THEM4: variants seen among roughly 807,000 people sequenced by gnomAD.
THEM4 encodes the protein thioesterase superfamily member 4, also known as acyl-coenzyme A thioesterase THEM4.
THEM4 carries 22 observed loss-of-function variants against 25.0 expected under a neutral mutation model. The ratio of observed to expected loss-of-function variants is 0.88; its 90% CI spans 0.63 to 1.26. The LOEUF is 1.26. Among genes scored for constraint, THEM4 ranks in the 50% most tolerant of loss-of-function variants. THEM4 has a pLI of 0.00. For synonymous variants in THEM4, 113 were observed against 105.6 expected (o/e 1.07, Z -0.43); for missense variants, 286 against 300.3 (o/e 0.95, Z 0.35).
chr1:151,876,159 A>G (rs1329059118), intron 5 of THEM4, among the ~76,000 whole-genome samples: 1 of 152,228 alleles, frequency 6.6e-6, no homozygotes, highest in Non-Finnish European at 1.5e-5. Flanking sequence ...CTACACACAC[A>G]TAAATATAGA....
In THEM4 at chr1:151,872,554, G is replaced by A. The variant is rs1456936394; in HGVS notation, c.*2334C>T. On this transcript the variant is annotated 3_prime_UTR_variant, in exon 6 of 6. Transcript: ENST00000368814. The stretch of plus-strand genomic sequence containing the variant: ...GACTGTTACTGTGTCTATGTAGAAA[G>A]GAAGACATGAGAAATTCCATTTTGA... 6.6e-6 allele frequency among the ~76,000 whole-genome samples: 1 copy of A among 152,146 alleles called. No individual in the cohort carries two copies. Among genetic ancestry groups the A allele is most frequent in the Non-Finnish European group, 1.5e-5 (1 of 68,028 alleles).
In THEM4 at chr1:151,883,094, TTTTATTTA is replaced by T. The variant is rs10639543; in HGVS notation, c.557+5171_557+5178del. The stretch of plus-strand genomic sequence containing the variant: ...GTGCAAGGGGGGATCTGTCAAATGC[TTTTATTTA>T]TTTATTTATTTATTTATTTATTTAT... On this transcript the variant is annotated intron_variant, in intron 4 of 5. Coordinates refer to ENST00000368814, the MANE Select transcript of THEM4 (RefSeq NM_053055.5). Among the ~76,000 whole-genome samples, 208 of 138,350 alleles carry T rather than the reference TTTTATTTA, an allele frequency of 1.5e-3. 1 individual carries two copies. The East Asian group carries it at 0.024, about 16-fold the overall frequency. The allele number at this position is 138,350 out of a possible 152,430, so 90.8% of individuals were successfully genotyped here. A position where few individuals can be genotyped will look rare whatever the true frequency, so the allele number is the denominator to read the frequency against.
At position 151,909,392 on chromosome 1, in the gene THEM4, G is replaced by A. The variant is rs771588832; in HGVS notation, c.67C>T (p.Arg23Cys). ...GALCLPPVGR[R>C]LPGSEPRPEL... Reference sequence around the variant, plus strand: ...GGTCGCGGCTCGCTTCCCGGCAGGCGCCGGCCTACTGGCGGCAGGCACAGA... The same window carrying A: ...GGTCGCGGCTCGCTTCCCGGCAGGCACCGGCCTACTGGCGGCAGGCACAGA... The change falls in exon 1 of 6, where the codon CGC becomes TGC. Residue 23 changes from arginine to cysteine, a missense_variant. By Grantham distance (180) the Arg-to-Cys change is radical (BLOSUM62 -3). Transcript: ENST00000368814. The A allele has an allele frequency of 1.3e-6, 2 of 1,504,928 alleles. No individual in the cohort carries two copies. Among genetic ancestry groups the A allele is most frequent in the South Asian group, 1.2e-5 (1 of 81,586 alleles). 93.2% of individuals were successfully genotyped at this position (1,504,928 alleles called of 1,614,324 possible).
intron 4 of THEM4, among the ~76,000 whole-genome samples, chr1:151,881,270 C>T (rs985193644): frequency 1.3e-5 from 2 of 152,134 alleles, no homozygotes; most frequent in Non-Finnish European, 2.9e-5. Context: ...TGGGCTCTAG[C>T]GATCTTCTTG....
chr1:151,887,026 T>C (rs1653985696), intron 4 of THEM4, among the ~76,000 whole-genome samples: 1 of 152,194 alleles, frequency 6.6e-6, no homozygotes. Context: ...CACAAAAACC[T>C]GTTAGAATGA....
chr1:151,894,680 A>G (rs1329441173), intron 2 of THEM4: 1 of 491,788 alleles, frequency 2.0e-6, no homozygotes, highest in East Asian at 3.6e-5. Context: ...CAGATATGGG[A>G]TAAAGGGTGA....
chr1:151,908,211 C>T lies in THEM4; in HGVS notation c.99+1149G>A, dbSNP rs1001723722. Among the ~76,000 whole-genome samples, 3 of 152,260 alleles carry T rather than the reference C, an allele frequency of 2.0e-5. No homozygotes were observed. In the East Asian group the frequency reaches 5.8e-4, roughly 29 times the overall value. ...CTCTTTTGGGAATGATGAGGATTAC[C>T]GTTTATATTTTCTGTAAAGTTTTGT... On this transcript the variant is annotated intron_variant, in intron 1 of 5. Coordinates refer to ENST00000368814, the MANE Select transcript of THEM4 (RefSeq NM_053055.5).
At chr1:151,884,141 T>C (rs1236376771) in intron 4 of THEM4, among the ~76,000 whole-genome samples, 2 of 151,536 alleles carry the variant, frequency 1.3e-5, no homozygotes, top group Non-Finnish European at 2.9e-5. Flanking sequence ...TTCCAGAATG[T>C]GTTGGCTACA....
At chr1:151,887,768 G>A (rs568752508) in intron 4 of THEM4, among the ~76,000 whole-genome samples, 19 of 152,056 alleles carry the variant, frequency 1.2e-4, no homozygotes, top group Admixed American at 3.3e-4. Context: ...GACTACAGAC[G>A]TGCACTGCTG....
At chr1:151,879,649 CTTTTCTTTTCTTTT>C (rs1203146145) in intron 4 of THEM4, among the ~76,000 whole-genome samples, 1 of 146,726 alleles carries the variant, frequency 6.8e-6, no homozygotes, top group African/African-American at 2.5e-5. Context: ...TTCTTTCTTT[CTTTTCTTTTCTTTT>C]TTTTTTTTTT....
In THEM4 at chr1:151,888,345, G is replaced by C. The variant is rs774715796; in HGVS notation, c.485C>G (p.Ala162Gly). ...HGGAIATMID[A>G]TVGMCAMMAG... ...CATCATTGCACACATACCAACAGTA[G>C]CATCAATCATGGTTGCAATGGCACC... Residue 162 changes from alanine to glycine, a missense_variant, in exon 4 of 6, where the codon GCT becomes GGT. By Grantham distance (60) the Ala-to-Gly change is moderately conservative. Coordinates refer to ENST00000368814, the MANE Select transcript of THEM4 (RefSeq NM_053055.5). The C allele has an allele frequency of 1.2e-6, 2 of 1,613,260 alleles. No individual in the cohort carries two copies. Among genetic ancestry groups the C allele is most frequent in the Admixed American group, 1.7e-5 (1 of 59,840 alleles).
At position 151,871,557 on chromosome 1, in the gene THEM4, T is replaced by A. The variant is rs1653554724; in HGVS notation, c.*3331A>T. 6.6e-6 allele frequency among the ~76,000 whole-genome samples: 1 copy of A among 152,202 alleles called. No individual in the cohort carries two copies. Among genetic ancestry groups the A allele is most frequent in the African/African-American group, 2.4e-5 (1 of 41,450 alleles). ...GCCAGGGCATGGTGAAGGCTAGGAA[T>A]AGTCTGCTGCAAAGCAGGGAAGCCA... On this transcript the variant is annotated 3_prime_UTR_variant, in exon 6 of 6. Coordinates refer to ENST00000368814, the MANE Select transcript of THEM4 (RefSeq NM_053055.5).
intron 1 of THEM4, among the ~76,000 whole-genome samples, chr1:151,900,450 A>T (rs1334053337): frequency 1.3e-5 from 2 of 152,174 alleles, no homozygotes; most frequent in Non-Finnish European, 2.9e-5. Context: ...CACCTAGCAC[A>T]TAAGGACTCA....
intron 1 of THEM4, among the ~76,000 whole-genome samples, chr1:151,898,696 C>A (rs1284905418): frequency 8.5e-5 from 13 of 152,256 alleles, no homozygotes; most frequent in Admixed American, 8.5e-4. Context: ...CCCTCTGCCA[C>A]CTCCACCAGA....
chr1:151,900,257 A>G (rs1361092283), intron 1 of THEM4, among the ~76,000 whole-genome samples: 1 of 152,162 alleles, frequency 6.6e-6, no homozygotes, highest in African/African-American at 2.4e-5. Flanking sequence ...GTTAAAAAGC[A>G]AAAACAAAAA....
intron 4 of THEM4, among the ~76,000 whole-genome samples, chr1:151,884,436 A>G (rs1210250158): frequency 6.6e-6 from 1 of 152,226 alleles, no homozygotes; most frequent in Non-Finnish European, 1.5e-5. Context: ...AAACCTTTCT[A>G]TATAGACTGC....
intron 1 of THEM4, among the ~76,000 whole-genome samples, chr1:151,895,408 C>T (rs934575308): frequency 3.3e-5 from 5 of 152,164 alleles, no homozygotes; most frequent in African/African-American, 9.7e-5. Context: ...CATCACCCAG[C>T]GAGCTATTGA....
In THEM4 at chr1:151,895,008, C is replaced by T. The variant is rs551228056; in HGVS notation, c.286G>A (p.Asp96Asn). 39 of 1,613,666 alleles carry T rather than the reference C, an allele frequency of 2.4e-5. No homozygotes were observed. The South Asian group carries it at 3.7e-4, about 15-fold the overall frequency. Residue 96 changes from aspartate (D) to asparagine (N), a missense_variant and splice_region_variant, in exon 2 of 6, where the codon GAC becomes AAC. Asp to Asn is a conservative substitution (Grantham distance 23). Transcript: ENST00000368814. ...TTAATGGGAAAGTGGCTGTTTCTACCAAGAAAATGGGTTTTGAAGTCTTGA... is the reference window on the plus strand; with the variant it reads ...TTAATGGGAAAGTGGCTGTTTCTACTAAGAAAATGGGTTTTGAAGTCTTGA... The part of the protein sequence containing the change: ...WIQDFKTHFL[D>N]PKLMKEEQMS...
At chr1:151,875,200 A>G (rs548157639) in intron 5 of THEM4, among the ~76,000 whole-genome samples, 3 of 152,272 alleles carry the variant, frequency 2.0e-5, no homozygotes, top group African/African-American at 7.2e-5. Flanking sequence ...CTAAAATTAC[A>G]AGTGAGCCAT....
Sources: gnomAD v4.1 joint callset for allele counts (sites outside exome capture counted in the v4.1 genomes callset) on GRCh38, gnomAD v4.1.1 for gene constraint, MANE v1.5 for transcripts, NCBI Gene and HGNC (gene_info 2026-07-23, HGNC 2026-07-21) for gene names.